DRP2: variants seen among roughly 807,000 people sequenced by gnomAD.
DRP2 encodes dystrophin-related protein 2.
DRP2 carries 29 observed loss-of-function variants against 78.2 expected under a neutral mutation model. That is an observed-to-expected ratio of 0.37 (90% CI 0.28 to 0.51). DRP2 has a LOEUF of 0.51. Among genes scored for constraint, DRP2 ranks in the 20% least tolerant of loss-of-function variants. The pLI, the probability that DRP2 is intolerant of heterozygous loss-of-function variation, is 0.94. For synonymous variants in DRP2, 290 were observed against 281.9 expected (o/e 1.03, Z -0.29); for missense variants, 686 against 770.6 (o/e 0.89, Z 1.30).
chrX:101,226,956 C>G (rs182118631), intron 2 of DRP2, among the ~76,000 whole-genome samples: 15,590 of 111,473 alleles, frequency 0.14, 1,051 homozygotes, highest in Middle Eastern at 0.22. Flanking sequence ...GTTTGAGGGG[C>G]TGCATCTGGT....
intron 6 of DRP2, among the ~76,000 whole-genome samples, chrX:101,239,866 C>T (rs910498692): frequency 3.6e-5 from 4 of 111,009 alleles, no homozygotes; most frequent in Non-Finnish European, 7.6e-5. Flanking sequence ...CGTGAGCCAC[C>T]ACGCCTGGCC....
Position 101,254,930 on chromosome X carries a change from A to G in DRP2, c.2180+6A>G, listed in dbSNP as rs1467070469. 5.0e-6 allele frequency: 6 copies of G among 1,211,201 alleles called. No individual in the cohort carries two copies. The highest frequency in any genetic ancestry group is 6.7e-6 in the Non-Finnish European group (6 of 895,346). On this transcript the variant is annotated splice_donor_region_variant and intron_variant, in intron 19 of 23. Transcript: ENST00000395209. ...ATTGAGCATTTTGCCAGCAGGTACC[A>G]CCAGGTTTGCGGGAGGTGGGTAGGA...
In DRP2 at chrX:101,251,045, G is replaced by A; in HGVS notation, c.1827G>A (p.Lys609=). The A allele has an allele frequency of 8.3e-7, 1 of 1,211,739 alleles. No homozygotes were observed. Among genetic ancestry groups the A allele is most frequent in the Non-Finnish European group, 1.1e-6 (1 of 895,459 alleles). The part of the protein sequence containing the change: ...TIAEQVKHQT[K]CSICRQCPIK... ...CTGAGCAAGTGAAGCATCAGACCAA[G>A]TGCTCTATCTGTAGGCAGTGCCCCA... Residue 609 remains lysine, a synonymous_variant, in exon 16 of 24, where the codon AAG becomes AAA. Transcript: ENST00000395209.
chrX:101,233,171 A>G (rs1263353957), intron 3 of DRP2, among the ~76,000 whole-genome samples: 2 of 111,920 alleles, frequency 1.8e-5, no homozygotes, highest in Non-Finnish European at 3.8e-5. Flanking sequence ...GGAGAATAGT[A>G]TGGCAGCTGG....
intron 7 of DRP2, among the ~76,000 whole-genome samples, 164 bp from the exon 8 acceptor site, chrX:101,242,161 G>A (rs1198505152): frequency 2.7e-5 from 3 of 111,779 alleles, no homozygotes; most frequent in African/African-American, 9.8e-5. Context: ...AAGAGGATAA[G>A]GACAGTGGCC....
At chrX:101,231,444 T>A (rs41300880) in intron 2 of DRP2, 141 bp from the exon 3 acceptor site, 1 of 459,873 alleles carries the variant, frequency 2.2e-6, no homozygotes, top group Non-Finnish European at 3.8e-6. Flanking sequence ...AATAAAGTAT[T>A]TTATGGTACA....
In DRP2 at chrX:101,221,979, G is replaced by A. The variant is rs141695060; in HGVS notation, c.-167+1833G>A. Among the ~76,000 whole-genome samples the A allele has an allele frequency of 7.9e-3, 882 of 112,252 alleles. 7 individuals carry two copies. Among genetic ancestry groups the A allele is most frequent in the African/African-American group, 0.027 (845 of 30,891 alleles). ...AAGTGAGATAAATCCTTCTAGGATA[G>A]CATTTACCAAACCAATGTTCTATAG... On this transcript the variant is annotated intron_variant, in intron 1 of 23. Transcript: ENST00000395209.
At chrX:101,251,319 G>T (rs1037599973) in intron 16 of DRP2, 8 of 300,884 alleles carry the variant, frequency 2.7e-5, no homozygotes, top group African/African-American at 2.2e-4. Context: ...CTACAAAAAT[G>T]TATAGAAGAA....
chrX:101,241,983 A>G (rs1569508811), intron 7 of DRP2, 47 bp downstream of exon 7: 4 of 1,123,456 alleles, frequency 3.6e-6, no homozygotes. Context: ...GAGACCTGAC[A>G]CTCTCCCCAG....
At chrX:101,230,433 G>A (rs960454860) in intron 2 of DRP2, among the ~76,000 whole-genome samples, 19 of 111,459 alleles carry the variant, frequency 1.7e-4, no homozygotes, top group Admixed American at 1.3e-3. Flanking sequence ...GGCTGAGGCA[G>A]GAGAATCGCT....
At chrX:101,233,023 C>A (rs1311944570) in intron 3 of DRP2, among the ~76,000 whole-genome samples, 4 of 112,208 alleles carry the variant, frequency 3.6e-5, no homozygotes, top group Non-Finnish European at 7.5e-5. Context: ...GTGCAAGAAG[C>A]AAATATCCTG....
intron 2 of DRP2, 114 bp from the exon 3 acceptor site, chrX:101,231,470 GT>G (rs1174738004): frequency 2.0e-6 from 1 of 509,530 alleles, no homozygotes; most frequent in Non-Finnish European, 3.5e-6. Context: ...GCCTGGGTAG[GT>G]CAGTAAGTTT....
intron 2 of DRP2, among the ~76,000 whole-genome samples, chrX:101,230,291 G>A (rs928141541): frequency 9.0e-6 from 1 of 111,601 alleles, no homozygotes. Flanking sequence ...TTGGGAGGCC[G>A]AGGCGGGTGG....
At chrX:101,224,234 C>T (rs1429531846) in intron 1 of DRP2, among the ~76,000 whole-genome samples, 7 of 45,034 alleles carry the variant, frequency 1.6e-4, no homozygotes, top group Non-Finnish European at 2.4e-4. Flanking sequence ...GATGGAGTCT[C>T]GCTATGTCAC....
At chrX:101,246,666 C>A (rs931329534) in intron 11 of DRP2, among the ~76,000 whole-genome samples, 32 of 111,952 alleles carry the variant, frequency 2.9e-4, no homozygotes, top group Non-Finnish European at 2.3e-4. Context: ...TGCAACAGAT[C>A]CTTAGCAAGA....
intron 6 of DRP2, among the ~76,000 whole-genome samples, chrX:101,241,159 A>G (rs1377496094): frequency 2.7e-5 from 3 of 112,360 alleles, no homozygotes; most frequent in Non-Finnish European, 5.6e-5. Context: ...CTCATGATAT[A>G]GTAAGTGGAA....
At chrX:101,258,664 GT>G in intron 22 of DRP2, 118 bp downstream of exon 22, 2 of 632,167 alleles carry the variant, frequency 3.2e-6, no homozygotes, top group Non-Finnish European at 4.8e-6. Flanking sequence ...TGGCTGTCAG[GT>G]AACTTCCTGA....
chrX:101,261,942 G>A lies in DRP2; in HGVS notation c.*1321G>A, dbSNP rs1454731525. The A allele has an allele frequency of 1.8e-5, 2 of 112,038 alleles. No homozygotes were observed. Among genetic ancestry groups the A allele is most frequent in the Non-Finnish European group, 3.8e-5 (2 of 53,223 alleles). 9.2% of individuals were successfully genotyped at this position (112,038 alleles called of 1,213,427 possible). ...CACTTAGGCAGCTTTCTCCCAAGAG[G>A]AGCTTTATAACCTAGAGCCCTGCAG... On this transcript the variant is annotated 3_prime_UTR_variant, in exon 24 of 24. Transcript: ENST00000395209.
Position 101,254,862 on chromosome X carries a change from G to A in DRP2, c.2118G>A (p.Pro706=), listed in dbSNP as rs768354474. ...SVLEADYSET[P]ASSPMWPHAD... is the part of the protein sequence containing the mutation. ...AGTCTTTGCTGCTTTCTTCTAGGCCGGCTTCTTCCCCGATGTGGCCACACG... is the reference window on the plus strand; with the variant it reads ...AGTCTTTGCTGCTTTCTTCTAGGCCAGCTTCTTCCCCGATGTGGCCACACG... The change falls in exon 19 of 24, where the codon CCG becomes CCA. Residue 706 remains proline (P), a synonymous_variant. Transcript: ENST00000395209. The A allele has an allele frequency of 4.1e-6, 5 of 1,211,963 alleles. No individual in the cohort carries two copies. The highest frequency in any genetic ancestry group is 1.8e-5 in the South Asian group (1 of 57,013).
Sources: allele counts gnomAD v4.1 joint callset (sites outside exome capture counted in the v4.1 genomes callset), GRCh38; gene constraint gnomAD v4.1.1; transcripts MANE v1.5; gene names NCBI Gene and HGNC (gene_info 2026-07-23, HGNC 2026-07-21).